The following MACROD2 variants were observed in gnomAD, a reference collection of about 807,000 sequenced individuals.
MACROD2 encodes the protein ADP-ribose glycohydrolase MACROD2.
A neutral mutation model predicts 70.4 loss-of-function variants in MACROD2; 36 were observed. That is an observed-to-expected ratio of 0.51 (90% CI 0.39 to 0.68). The LOEUF is 0.68. Among genes scored for constraint, MACROD2 ranks in the 30% least tolerant of loss-of-function variants. The pLI, the probability that MACROD2 is intolerant of heterozygous loss-of-function variation, is 0.00. For synonymous variants in MACROD2, 172 were observed against 178.8 expected, an observed-to-expected ratio of 0.96 and a Z score of 0.30; for missense variants, 496 against 538.4, an observed-to-expected ratio of 0.92 and a Z score of 0.78.
At chr20:15,031,874 C>T (rs1418804409) in intron 5 of MACROD2, among the ~76,000 whole-genome samples, 3 of 152,152 alleles carry the variant, frequency 2.0e-5, no homozygotes, top group Admixed American at 6.5e-5. Context: ...CAGGGACTCG[C>T]GCCTTTCTCC....
chr20:14,154,073 C>G (rs1395199358), intron 3 of MACROD2, among the ~76,000 whole-genome samples: 1 of 152,174 alleles, frequency 6.6e-6, no homozygotes, highest in African/African-American at 2.4e-5. Flanking sequence ...TGAACTGATG[C>G]TATGTTGTTT....
intron 5 of MACROD2, among the ~76,000 whole-genome samples, chr20:15,000,168 A>T (rs981187046): frequency 3.9e-5 from 6 of 152,252 alleles, no homozygotes; most frequent in African/African-American, 1.4e-4. Flanking sequence ...TGAATTCATG[A>T]TGATGATTGG....
intron 3 of MACROD2, among the ~76,000 whole-genome samples, chr20:14,371,840 G>C (rs892846702): frequency 6.6e-6 from 1 of 150,728 alleles, no homozygotes; most frequent in South Asian, 2.1e-4. Flanking sequence ...TTTTTTTGAA[G>C]AATGGGAATG....
chr20:14,603,796 A>G (rs566022892), intron 4 of MACROD2, among the ~76,000 whole-genome samples: 2 of 152,286 alleles, frequency 1.3e-5, no homozygotes, highest in East Asian at 3.9e-4. Context: ...AGTGATTTAG[A>G]CAAGATCTTA....
chr20:15,713,952 G>C (rs2050665543), intron 8 of MACROD2, among the ~76,000 whole-genome samples: 1 of 150,144 alleles, frequency 6.7e-6, no homozygotes, highest in Non-Finnish European at 1.5e-5. Context: ...TATGGAGCCA[G>C]CAGTAGATGT....
chr20:14,038,249 G>A (rs1035997208), intron 2 of MACROD2, among the ~76,000 whole-genome samples: 5 of 151,516 alleles, frequency 3.3e-5, no homozygotes, highest in African/African-American at 7.3e-5. Flanking sequence ...AGCCGAGATC[G>A]TGCCACTGCA....
intron 5 of MACROD2, among the ~76,000 whole-genome samples, chr20:14,998,333 C>T (rs1379352310): frequency 6.6e-6 from 1 of 152,074 alleles, no homozygotes; most frequent in Non-Finnish European, 1.5e-5. Flanking sequence ...ATGGAGAATT[C>T]AAAATAGCTG....
Position 15,084,240 on chromosome 20 carries a change from G to T in MACROD2, c.419-145700G>T, listed in dbSNP as rs1244567577. Among the ~76,000 whole-genome samples the T allele has an allele frequency of 2.6e-5, 4 of 151,712 alleles. No homozygotes were observed. In the East Asian group the frequency reaches 5.8e-4, roughly 22 times the overall value. On this transcript the variant is annotated intron_variant, in intron 5 of 17. Transcript: ENST00000684519. ...CATCACCATTCCCGGCTAAATTTTT[G>T]TATTTTTAATAGAGATGGGGTTTCA...
Position 15,967,696 on chromosome 20 carries a change from AAAAAAC to A in MACROD2, c.985+67_985+72del, listed in dbSNP as rs1433667075. The A allele has an allele frequency of 1.8e-5, 25 of 1,400,654 alleles. No homozygotes were observed. The African/African-American group carries it at 3.5e-4, about 20-fold the overall frequency. 86.8% of individuals were successfully genotyped at this position (1,400,654 alleles called of 1,614,324 possible). On this transcript the variant is annotated intron_variant, in intron 13 of 17. Transcript: ENST00000684519. The stretch of plus-strand genomic sequence containing the variant: ...CTGGGAAACAGAAAAAAAAAAAAAA[AAAAAAC>A]CCACAGACTTGAATTTTTCTGGAAA...
intron 6 of MACROD2, among the ~76,000 whole-genome samples, chr20:15,276,399 C>CAA (rs1181200009): frequency 1.3e-4 from 8 of 59,596 alleles, no homozygotes; most frequent in African/African-American, 3.6e-4. Flanking sequence ...GACTCCCTCT[C>CAA]AAAAAAATAA....
intron 10 of MACROD2, among the ~76,000 whole-genome samples, chr20:15,898,549 T>TAAAAAA (rs10678216): frequency 1.6e-4 from 15 of 94,464 alleles, no homozygotes; most frequent in East Asian, 3.2e-4. Context: ...AGACTCAGTC[T>TAAAAAA]AAAAAAAAAA....
intron 5 of MACROD2, among the ~76,000 whole-genome samples, chr20:14,694,151 G>A (rs139201921): frequency 2.0e-5 from 3 of 152,300 alleles, no homozygotes; most frequent in African/African-American, 7.2e-5. Context: ...CTTACCAGAT[G>A]TATACAGTAA....
chr20:15,013,843 G>A (rs572753595), intron 5 of MACROD2, among the ~76,000 whole-genome samples: 1 of 152,262 alleles, frequency 6.6e-6, no homozygotes, highest in Admixed American at 6.5e-5. Flanking sequence ...TGGCGGTGGA[G>A]CTTAGTGACT....
chr20:14,349,339 A>G (rs2083097218), intron 3 of MACROD2, among the ~76,000 whole-genome samples: 1 of 151,170 alleles, frequency 6.6e-6, no homozygotes, highest in South Asian at 2.1e-4. Context: ...GCAATGTATA[A>G]TAATCACATC....
intron 10 of MACROD2, among the ~76,000 whole-genome samples, chr20:15,888,451 C>T (rs1003152283): frequency 3.3e-5 from 5 of 152,090 alleles, no homozygotes; most frequent in Admixed American, 6.6e-5. Context: ...GGCCTTATCT[C>T]GCCATGGATC....
intron 2 of MACROD2, chr20:14,053,472 C>G (rs1297334910): frequency 6.6e-6 from 1 of 151,904 alleles, no homozygotes; most frequent in South Asian, 2.1e-4. Flanking sequence ...TCTCACAATC[C>G]GAGCTGCTCT....
At chr20:14,063,012 A>G (rs1247357648) in intron 2 of MACROD2, among the ~76,000 whole-genome samples, 2 of 152,198 alleles carry the variant, frequency 1.3e-5, no homozygotes, top group Admixed American at 1.3e-4. Context: ...AGTCTGCTTC[A>G]AAAGCCTGTG....
At chr20:14,695,559 A>G (rs1239969199) in intron 5 of MACROD2, among the ~76,000 whole-genome samples, 1 of 152,184 alleles carries the variant, frequency 6.6e-6, no homozygotes, top group Non-Finnish European at 1.5e-5. Context: ...GCCAGTTTCT[A>G]TGTCATGAGG....
chr20:15,003,824 T>G (rs1315373721), intron 5 of MACROD2, among the ~76,000 whole-genome samples: 2 of 152,182 alleles, frequency 1.3e-5, no homozygotes, highest in African/African-American at 4.8e-5. Flanking sequence ...TTATAAAACA[T>G]GCAACTTCCC....
Sources: gnomAD v4.1 joint callset for allele counts (sites outside exome capture counted in the v4.1 genomes callset) on GRCh38, gnomAD v4.1.1 for gene constraint, MANE v1.5 for transcripts, NCBI Gene and HGNC (gene_info 2026-07-23, HGNC 2026-07-21) for gene names.